Variants in DTNBP1 observed in about 807,000 individuals in gnomAD.
The protein encoded by DTNBP1 is dystrobrevin binding protein 1, also known as dysbindin.
Under a neutral mutation model 42.8 loss-of-function variants are expected in DTNBP1, and 35 were observed. The observed-to-expected ratio is 0.82, with a 90% CI of 0.63 to 1.09. The LOEUF is 1.09. Among genes scored for constraint, DTNBP1 ranks in the 50% least tolerant of loss-of-function variants. The pLI is 0.00. For missense variants in DTNBP1, 457 were observed against 424.2 expected, an observed-to-expected ratio of 1.08 and a Z score of -0.68; for synonymous variants, 171 against 162.2, an observed-to-expected ratio of 1.05 and a Z score of -0.41.
chr6:15,545,551 A>G (rs1217492645), intron 7 of DTNBP1, among the ~76,000 whole-genome samples: 1 of 152,196 alleles, frequency 6.6e-6, no homozygotes, highest in Non-Finnish European at 1.5e-5. Context: ...TGCAACTAAA[A>G]AAAGATGATC....
chr6:15,523,955 G>C (rs1188944923), intron 9 of DTNBP1: 4 of 1,287,446 alleles, frequency 3.1e-6, no homozygotes, highest in Non-Finnish European at 4.0e-6. Flanking sequence ...CAAAGAACTG[G>C]TCTGAAATTT....
At chr6:15,585,952 T>C (rs9476858) in intron 7 of DTNBP1, 139,053 of 1,338,564 alleles carry the variant, frequency 0.1, 9,378 homozygotes, top group African/African-American at 0.33. Context: ...TAAGCAGATA[T>C]ACATTGGAAT....
At chr6:15,532,976 GGCGTGA>G (rs1216692149) in intron 8 of DTNBP1, among the ~76,000 whole-genome samples, 5 of 152,096 alleles carry the variant, frequency 3.3e-5, no homozygotes, top group Admixed American at 3.3e-4. Context: ...TGGGATTACA[GGCGTGA>G]GCCACCACGC....
At chr6:15,539,956 T>A (rs190555185) in intron 7 of DTNBP1, among the ~76,000 whole-genome samples, 53 of 152,294 alleles carry the variant, frequency 3.5e-4, no homozygotes, top group Non-Finnish European at 7.5e-4. Context: ...CAGGATTAAA[T>A]GAGGTAGCAA....
At chr6:15,590,812 A>T (rs1776268885) in intron 7 of DTNBP1, among the ~76,000 whole-genome samples, 1 of 152,222 alleles carries the variant, frequency 6.6e-6, no homozygotes, top group East Asian at 1.9e-4. Context: ...AGAAGGGAGA[A>T]TCCAGAACAT....
chr6:15,601,347 T>C (rs1776720074), intron 6 of DTNBP1, among the ~76,000 whole-genome samples: 1 of 152,206 alleles, frequency 6.6e-6, no homozygotes, highest in African/African-American at 2.4e-5. Context: ...AGAAATATTC[T>C]TAAAAGTTCA....
intron 7 of DTNBP1, among the ~76,000 whole-genome samples, chr6:15,560,648 C>T (rs1441129160): frequency 6.6e-6 from 1 of 152,182 alleles, no homozygotes; most frequent in East Asian, 1.9e-4. Context: ...CCAATAAAAG[C>T]TCCTTGGGAA....
At chr6:15,527,908 A>C (rs568547514) in intron 8 of DTNBP1, among the ~76,000 whole-genome samples, 124 of 152,300 alleles carry the variant, frequency 8.1e-4, no homozygotes, top group Middle Eastern at 3.4e-3. Flanking sequence ...AGAAATAGTA[A>C]ATCTCTATAA....
chr6:15,662,803 C>T lies in DTNBP1; in HGVS notation c.56+11G>A, dbSNP rs774036836. On this transcript the variant is annotated intron_variant, in intron 1 of 9. Transcript: ENST00000344537. ...CCTCAGGTCCCTTTTCGTCGCCCAC[C>T]GTATACCCACCCGGAGGTGAAATCC... The T allele has an allele frequency of 5.0e-6, 8 of 1,611,998 alleles. No individual in the cohort carries two copies. Among genetic ancestry groups the T allele is most frequent in the Admixed American group, 3.3e-5 (2 of 59,974 alleles).
At chr6:15,532,748 G>A (rs550926376) in intron 8 of DTNBP1, among the ~76,000 whole-genome samples, 82 of 120,918 alleles carry the variant, frequency 6.8e-4, no homozygotes, top group South Asian at 4.2e-3. Context: ...CACCTAGGCC[G>A]GAGTGCAGTG....
At chr6:15,537,378 A>G (rs146782607) in intron 7 of DTNBP1, among the ~76,000 whole-genome samples, 1 of 152,182 alleles carries the variant, frequency 6.6e-6, no homozygotes, top group Non-Finnish European at 1.5e-5. Context: ...GCAGTGAGCC[A>G]AGATCACGCT....
intron 9 of DTNBP1, chr6:15,523,817 C>G (rs76702672): frequency 0.037 from 47,038 of 1,287,176 alleles, 1,015 homozygotes; most frequent in South Asian, 0.049. Context: ...CAGGATGACA[C>G]CGTTCTGACA....
intron 7 of DTNBP1, among the ~76,000 whole-genome samples, chr6:15,589,572 A>C (rs1378587692): frequency 1.3e-5 from 2 of 152,128 alleles, no homozygotes; most frequent in Admixed American, 1.3e-4. Flanking sequence ...ACCAAAGCAT[A>C]TTTGTTTTGC....
rs187658228 is a variant in DTNBP1 at position 15,658,605 on chromosome 6, A to G, written c.56+4209T>C. 3.3e-3 allele frequency among the ~76,000 whole-genome samples: 502 copies of G among 152,340 alleles called. 15 individuals are homozygous for G. Among genetic ancestry groups the G allele is most frequent in the Admixed American group, 0.028 (421 of 15,300 alleles). On this transcript the variant is annotated intron_variant, in intron 1 of 9. Transcript: ENST00000344537. ...TGTGACAGGCAGCTGTAAACCCGTC[A>G]GTAAATCTGATTTTCAGTTCCCTGA...
intron 5 of DTNBP1, among the ~76,000 whole-genome samples, chr6:15,622,441 G>A (rs1284384026): frequency 1.3e-5 from 2 of 152,154 alleles, no homozygotes; most frequent in East Asian, 1.9e-4. Context: ...AAGTACATAC[G>A]TAATGTGTAT....
intron 7 of DTNBP1, among the ~76,000 whole-genome samples, chr6:15,562,712 T>C (rs908797770): frequency 1.1e-4 from 17 of 152,308 alleles, no homozygotes; most frequent in African/African-American, 3.6e-4. Flanking sequence ...TAATCACCCT[T>C]ATTACAATCT....
At chr6:15,612,273 C>T (rs1189702991) in intron 6 of DTNBP1, among the ~76,000 whole-genome samples, 3 of 152,106 alleles carry the variant, frequency 2.0e-5, no homozygotes, top group Admixed American at 2.0e-4. Context: ...AAGGTATGTA[C>T]ATTGTGCTTT....
At chr6:15,623,985 G>A (rs1317479308) in intron 5 of DTNBP1, among the ~76,000 whole-genome samples, 1 of 152,216 alleles carries the variant, frequency 6.6e-6, no homozygotes, top group Non-Finnish European at 1.5e-5. Flanking sequence ...TAATGGTTTT[G>A]TGAATTCGCA....
chr6:15,639,466 A>G (rs1261801742), intron 3 of DTNBP1, among the ~76,000 whole-genome samples: 1 of 152,210 alleles, frequency 6.6e-6, no homozygotes, highest in Non-Finnish European at 1.5e-5. Context: ...TCATAGTCAG[A>G]TTCACAATTT....
Sources: gnomAD v4.1 joint callset for allele counts (sites outside exome capture counted in the v4.1 genomes callset) on GRCh38, gnomAD v4.1.1 for gene constraint, MANE v1.5 for transcripts, NCBI Gene and HGNC (gene_info 2026-07-23, HGNC 2026-07-21) for gene names.